The following REEP1 variants were observed in gnomAD, a reference collection of about 807,000 sequenced individuals.
REEP1 encodes receptor expression-enhancing protein 1.
A neutral mutation model predicts 40.3 loss-of-function variants in REEP1; 22 were observed. That is an observed-to-expected ratio of 0.55 (90% confidence interval 0.39 to 0.78). The LOEUF (loss-of-function observed/expected upper bound fraction) is 0.78, where lower values mean the gene tolerates loss of function less well. Ranked by LOEUF, REEP1 falls within the 30% of genes least tolerant of loss-of-function variation. REEP1 has a pLI of 0.00. For synonymous variants in REEP1, 116 were observed against 139.2 expected, an observed-to-expected ratio of 0.83 and a Z score of 1.17; for missense variants, 280 against 361.1, an observed-to-expected ratio of 0.78 and a Z score of 1.82.
In REEP1 at chr2:86,310,307, AT is replaced by A. The variant is rs1045851728; in HGVS notation, c.32+27171del. Among the ~76,000 whole-genome samples the A allele has an allele frequency of 2.0e-5, 3 of 152,090 alleles. No homozygotes were observed. In the East Asian group the frequency reaches 5.8e-4, roughly 29 times the overall value. On this transcript the variant is annotated intron_variant, in intron 1 of 8. Transcript: ENST00000538924. ...AGTGGCCCCATAATTATAATACTGC[AT>A]TTTTACTGTATGTCTTCTATGTTTA... is the stretch of plus-strand genomic sequence containing the variant.
chr2:86,310,779 G>T (rs899516674), intron 1 of REEP1, among the ~76,000 whole-genome samples: 1 of 151,986 alleles, frequency 6.6e-6, no homozygotes, highest in Non-Finnish European at 1.5e-5. Context: ...GGTGTATAGA[G>T]GATAAAAGGA....
At chr2:86,239,024 A>G (rs1444363597) in intron 5 of REEP1, among the ~76,000 whole-genome samples, 67 of 151,974 alleles carry the variant, frequency 4.4e-4, no homozygotes, top group Non-Finnish European at 1.5e-5. Context: ...TAAGAGTAAG[A>G]CTTACTCTTC....
intron 2 of REEP1, among the ~76,000 whole-genome samples, chr2:86,273,139 T>C (rs1246483252): frequency 3.0e-5 from 1 of 32,934 alleles, no homozygotes; most frequent in Non-Finnish European, 9.8e-5. Context: ...AGACCCTGTC[T>C]CAAAAAAAAA....
At chr2:86,310,327 A>C (rs758984247) in intron 1 of REEP1, among the ~76,000 whole-genome samples, 3 of 152,180 alleles carry the variant, frequency 2.0e-5, no homozygotes, top group Non-Finnish European at 4.4e-5. Flanking sequence ...TATGTCTTCT[A>C]TGTTTAGATA....
At chr2:86,236,805 C>T (rs950438162) in intron 5 of REEP1, among the ~76,000 whole-genome samples, 1 of 151,444 alleles carries the variant, frequency 6.6e-6, no homozygotes, top group African/African-American at 2.4e-5. Context: ...GGTGCAATCT[C>T]GGCTCACTGC....
chr2:86,314,678 CT>C (rs1221057326), intron 1 of REEP1, among the ~76,000 whole-genome samples: 35 of 145,384 alleles, frequency 2.4e-4, no homozygotes, highest in Non-Finnish European at 1.5e-4. Flanking sequence ...GCAGTTTTTT[CT>C]TTTTTTTTTG....
At chr2:86,338,026 G>T (rs1309391380), upstream of REEP1, 1 of 1,537,106 alleles carries the variant, frequency 6.5e-7, no homozygotes, top group South Asian at 1.2e-5. Flanking sequence ...GGGTTTACCT[G>T]GATCCAGACC....
At chr2:86,268,380 A>T (rs1439373378) in intron 2 of REEP1, among the ~76,000 whole-genome samples, 1 of 152,328 alleles carries the variant, frequency 6.6e-6, no homozygotes, top group East Asian at 1.9e-4. Flanking sequence ...CACAAATGCT[A>T]CTTATGTTAG....
Position 86,215,023 on chromosome 2 carries a change from C to CTTTTTTTTTTTTTTTTTTTTTTTTTTT in REEP1, c.*2015_*2016insAAAAAAAAAAAAAAAAAAAAAAAAAAA, listed in dbSNP as rs11350708. On this transcript the variant is annotated 3_prime_UTR_variant, in exon 9 of 9. Coordinates refer to ENST00000538924, the MANE Select transcript of REEP1 (RefSeq NM_001371279.1). ...AAAAATTGCTAAGAAGCTGTGTAAGCTTTTTTTTTTTTTTTTTTTTTTTGC... is the reference window on the plus strand; with the variant it reads ...AAAAATTGCTAAGAAGCTGTGTAAGCTTTTTTTTTTTTTTTTTTTTTTTTTTTTTTTTTTTTTTTTTTTTTTTTTTGC... The CTTTTTTTTTTTTTTTTTTTTTTTTTTT allele has an allele frequency of 3.4e-5, 2 of 59,558 alleles. No homozygotes were observed. Among genetic ancestry groups the CTTTTTTTTTTTTTTTTTTTTTTTTTTT allele is most frequent in the Non-Finnish European group, 2.9e-5 (1 of 34,808 alleles). 3.7% of individuals were successfully genotyped at this position (59,558 alleles called of 1,614,324 possible).
At chr2:86,265,623 A>G (rs1425335184) in intron 2 of REEP1, among the ~76,000 whole-genome samples, 1 of 152,220 alleles carries the variant, frequency 6.6e-6, no homozygotes, top group Non-Finnish European at 1.5e-5. Context: ...ATAAAAAATC[A>G]TGTCTTTTGC....
At chr2:86,337,878 C>A (rs1681129102), upstream of REEP1, 1 of 898,110 alleles carries the variant, frequency 1.1e-6, no homozygotes, top group Non-Finnish European at 1.7e-6. This position sits in a 1 kb window ranked among gnomAD's most constrained non-coding sequence, Gnocchi z 5.8. Context: ...GTTTGCAGGG[C>A]AGGGACCCGG....
At chr2:86,288,767 TTA>T (rs1182737777) in intron 1 of REEP1, among the ~76,000 whole-genome samples, 3 of 148,278 alleles carry the variant, frequency 2.0e-5, no homozygotes, top group Non-Finnish European at 4.5e-5. Context: ...CTTGCCAAAC[TTA>T]TATAGTCAGA....
intron 1 of REEP1, among the ~76,000 whole-genome samples, chr2:86,296,389 G>C (rs1013938545): frequency 3.9e-5 from 6 of 152,242 alleles, no homozygotes; most frequent in Non-Finnish European, 8.8e-5. Context: ...GTTTGTAGCA[G>C]AGCCAGAACT....
intron 5 of REEP1, among the ~76,000 whole-genome samples, chr2:86,246,860 C>A (rs937635552): frequency 6.6e-6 from 1 of 151,996 alleles, no homozygotes; most frequent in Non-Finnish European, 1.5e-5. Flanking sequence ...CACCACCACG[C>A]CCGGCTAATT....
chr2:86,336,517 A>T (rs982524091), intron 1 of REEP1, among the ~76,000 whole-genome samples: 1 of 152,158 alleles, frequency 6.6e-6, no homozygotes. Context: ...CACCCATTTC[A>T]GCCCCTGCTA....
intron 1 of REEP1, among the ~76,000 whole-genome samples, chr2:86,291,824 C>T (rs1678716963): frequency 1.3e-5 from 2 of 152,090 alleles, no homozygotes; most frequent in Admixed American, 1.3e-4. Context: ...ATGTGTGCTG[C>T]AAAAATCCCA....
chr2:86,245,568 T>A (rs1675893480), intron 5 of REEP1, among the ~76,000 whole-genome samples: 1 of 152,154 alleles, frequency 6.6e-6, no homozygotes, highest in South Asian at 2.1e-4. Context: ...AACATCTGCT[T>A]CTTAGATCTA....
At position 86,337,322 on chromosome 2, in the gene REEP1, G is replaced by T. The variant is rs1681095426; in HGVS notation, c.32+157C>A. ...CGCGTCCTGCGCCGCCCGTCCGCCC[G>T]CAGGCGTCCTCGGCGGCTACTGTAC... On this transcript the variant is annotated intron_variant, in intron 1 of 8. Transcript: ENST00000538924. This position sits in a 1 kb window ranked among gnomAD's most constrained non-coding sequence, Gnocchi z 5.8. 1 of 399,536 alleles carries T rather than the reference G, an allele frequency of 2.5e-6. No homozygotes were observed. The highest frequency in any genetic ancestry group is 4.0e-6 in the Non-Finnish European group (1 of 251,692). 24.7% of individuals were successfully genotyped at this position (399,536 alleles called of 1,614,324 possible).
chr2:86,301,650 A>T (rs1679260519), intron 1 of REEP1, among the ~76,000 whole-genome samples: 1 of 152,262 alleles, frequency 6.6e-6, no homozygotes, highest in South Asian at 2.1e-4. Flanking sequence ...CAATTTTAAA[A>T]TATCATTTAT....
Sources: gnomAD v4.1 joint callset for allele counts (sites outside exome capture counted in the v4.1 genomes callset) on GRCh38, gnomAD v4.1.1 for gene constraint, Gnocchi (gnomAD v3.1) non-coding constraint, MANE v1.5 for transcripts, NCBI Gene and HGNC (gene_info 2026-07-23, HGNC 2026-07-21) for gene names.